Variants in SNX29 observed in about 807,000 individuals in gnomAD.
SNX29 encodes sorting nexin-29.
A neutral mutation model predicts 102.1 loss-of-function variants in SNX29; 78 were observed. The observed-to-expected ratio is 0.76, with a 90% CI of 0.64 to 0.92. The LOEUF (loss-of-function observed/expected upper bound fraction) is 0.92, where lower values mean the gene tolerates loss of function less well. Ranked by LOEUF, SNX29 falls within the 40% of genes least tolerant of loss-of-function variation. The probability of loss-of-function intolerance (pLI) is 0.00; values close to 1 mark genes in which losing one functional copy is unlikely to be tolerated. For missense variants in SNX29, 1,280 were observed against 1,061.7 expected, an observed-to-expected ratio of 1.21 and a Z score of -2.86; for synonymous variants, 580 against 414.5, an observed-to-expected ratio of 1.40 and a Z score of -4.85.
At chr16:12,369,294 C>T (rs2082597707) in intron 16 of SNX29, among the ~76,000 whole-genome samples, 6 of 152,008 alleles carry the variant, frequency 3.9e-5, no homozygotes, top group Admixed American at 3.9e-4. Context: ...TGCCACCGTG[C>T]CCAGCTAATT....
chr16:12,277,430 C>T (rs1222444360), intron 14 of SNX29, among the ~76,000 whole-genome samples: 2 of 152,044 alleles, frequency 1.3e-5, no homozygotes, highest in South Asian at 4.1e-4. Flanking sequence ...ACCTCCACCC[C>T]CCAAAACAAC....
intron 20 of SNX29, among the ~76,000 whole-genome samples, chr16:12,557,078 GGCTCAA>G (rs1239925701): frequency 6.9e-6 from 1 of 145,912 alleles, no homozygotes; most frequent in Non-Finnish European, 1.5e-5. Flanking sequence ...GAGTCTGCCA[GGCTCAA>G]GCCATCTAGC....
At chr16:12,367,735 C>T (rs1353121743) in intron 16 of SNX29, among the ~76,000 whole-genome samples, 2 of 152,228 alleles carry the variant, frequency 1.3e-5, no homozygotes, top group Admixed American at 1.3e-4. Flanking sequence ...TGTCCCACGG[C>T]AATGTTAAAC....
intron 13 of SNX29, among the ~76,000 whole-genome samples, chr16:12,192,368 G>A (rs781677970): frequency 3.9e-5 from 6 of 152,164 alleles, no homozygotes; most frequent in South Asian, 2.1e-4. Flanking sequence ...CTACCTCTTC[G>A]GTCCTCTCAG....
chr16:12,437,114 T>C (rs1278151024), intron 18 of SNX29, among the ~76,000 whole-genome samples: 2 of 152,270 alleles, frequency 1.3e-5, no homozygotes, highest in East Asian at 3.8e-4. Context: ...CAACAGCGTG[T>C]GCATAAAGAA....
chr16:12,462,002 T>C (rs1410627798), intron 18 of SNX29, among the ~76,000 whole-genome samples: 7 of 67,224 alleles, frequency 1.0e-4, no homozygotes, highest in East Asian at 5.7e-4. Flanking sequence ...TATATATATA[T>C]ATATATATAT....
At chr16:12,439,861 G>C (rs968949181) in intron 18 of SNX29, among the ~76,000 whole-genome samples, 11 of 152,214 alleles carry the variant, frequency 7.2e-5, no homozygotes, top group African/African-American at 2.4e-4. Context: ...AACATGCTTG[G>C]TGCAGGGTGG....
intron 14 of SNX29, among the ~76,000 whole-genome samples, chr16:12,225,858 G>A (rs1430741792): frequency 2.6e-5 from 4 of 152,176 alleles, no homozygotes; most frequent in African/African-American, 4.8e-5. Flanking sequence ...CACCCTCAAT[G>A]TAGTTAACTC....
intron 15 of SNX29, among the ~76,000 whole-genome samples, chr16:12,300,526 A>C (rs974831237): frequency 2.0e-5 from 3 of 152,128 alleles, no homozygotes; most frequent in South Asian, 2.1e-4. Flanking sequence ...TTTTACTTAG[A>C]TCTGTTAACC....
intron 14 of SNX29, among the ~76,000 whole-genome samples, chr16:12,218,461 A>G (rs987496495): frequency 1.3e-5 from 2 of 152,220 alleles, no homozygotes; most frequent in East Asian, 3.8e-4. Flanking sequence ...GGCCATATTC[A>G]TTCATTATTT....
chr16:11,989,135 G>T (rs529241789), intron 1 of SNX29, among the ~76,000 whole-genome samples: 5 of 152,182 alleles, frequency 3.3e-5, no homozygotes, highest in Middle Eastern at 3.4e-3. Flanking sequence ...ATCATGCCTG[G>T]CTAATTTTTG....
chr16:12,539,852 T>TC (rs2077245903), intron 20 of SNX29, among the ~76,000 whole-genome samples: 1 of 152,240 alleles, frequency 6.6e-6, no homozygotes, highest in Admixed American at 6.5e-5. Flanking sequence ...TAAGTAAGTG[T>TC]CCAAGTATTT....
At chr16:12,277,118 T>C (rs950811371) in intron 14 of SNX29, among the ~76,000 whole-genome samples, 3 of 152,198 alleles carry the variant, frequency 2.0e-5, no homozygotes, top group Non-Finnish European at 4.4e-5. Flanking sequence ...CTGAATGCAG[T>C]GGTTCACACC....
chr16:12,260,568 T>C (rs1050560816), intron 14 of SNX29, among the ~76,000 whole-genome samples: 2 of 152,180 alleles, frequency 1.3e-5, no homozygotes, highest in African/African-American at 4.8e-5. Context: ...TCATGTGGGG[T>C]GGGGGCATCC....
At chr16:12,436,576 C>G (rs1042923583) in intron 18 of SNX29, among the ~76,000 whole-genome samples, 2 of 152,238 alleles carry the variant, frequency 1.3e-5, no homozygotes, top group African/African-American at 2.4e-5. Flanking sequence ...CCTCTCTGAG[C>G]TCCCCTGGTG....
At chr16:12,128,571 GC>G (rs1353764839) in intron 12 of SNX29, among the ~76,000 whole-genome samples, 1 of 150,194 alleles carries the variant, frequency 6.7e-6, no homozygotes, top group Non-Finnish European at 1.5e-5. Context: ...TCCTGCCTCA[GC>G]CCCCCGAATA....
chr16:12,158,849 T>G (rs1451438375), intron 13 of SNX29, among the ~76,000 whole-genome samples: 3 of 152,228 alleles, frequency 2.0e-5, no homozygotes, highest in Non-Finnish European at 4.4e-5. Context: ...AGTGCTTGTC[T>G]GTTTAAGTAT....
chr16:12,362,551 ACTCCCCCCCCACCCCCCCCC>A (rs2082331528), intron 16 of SNX29, among the ~76,000 whole-genome samples: 1 of 23,492 alleles, frequency 4.3e-5, no homozygotes, highest in Admixed American at 5.2e-4. Context: ...TGGCTGCTGC[ACTCCCCCCCCACCCCCCCCC>A]CCACCAGTTT....
intron 13 of SNX29, among the ~76,000 whole-genome samples, chr16:12,174,838 C>T (rs1051342288): frequency 2.6e-5 from 4 of 152,030 alleles, no homozygotes; most frequent in Non-Finnish European, 4.4e-5. Context: ...TAATAAACAG[C>T]ATGTTGAAGG....
Sources: allele counts gnomAD v4.1 joint callset (sites outside exome capture counted in the v4.1 genomes callset), GRCh38; gene constraint gnomAD v4.1.1; transcripts MANE v1.5; gene names NCBI Gene and HGNC (gene_info 2026-07-23, HGNC 2026-07-21).